The following STK33 variants were observed in gnomAD, a reference collection of about 807,000 sequenced individuals.
STK33 encodes the protein serine/threonine kinase 33, also known as serine/threonine-protein kinase 33.
A neutral mutation model predicts 58.0 loss-of-function variants in STK33; 52 were observed. That is an observed-to-expected ratio of 0.90 (90% CI 0.72 to 1.13). The LOEUF is 1.13. STK33 is among the 50% of genes most tolerant of loss of function. STK33 has a pLI of 0.00. For missense variants in STK33, 630 were observed against 604.2 expected (o/e 1.04, Z -0.45); for synonymous variants, 215 against 200.1 (o/e 1.07, Z -0.63).
intron 14 of STK33, among the ~76,000 whole-genome samples, chr11:8,419,184 A>G (rs1235876815): frequency 6.6e-6 from 1 of 152,156 alleles, no homozygotes; most frequent in Non-Finnish European, 1.5e-5. Flanking sequence ...GGTGTTGCCT[A>G]GATTGTCTTC....
chr11:8,524,249 C>T (rs1953830848), intron 1 of STK33, among the ~76,000 whole-genome samples: 1 of 152,086 alleles, frequency 6.6e-6, no homozygotes, highest in Non-Finnish European at 1.5e-5. Context: ...CTGACCTTCC[C>T]TCCACTATTG....
chr11:8,490,936 G>T (rs1348889192), intron 1 of STK33, among the ~76,000 whole-genome samples: 2 of 152,068 alleles, frequency 1.3e-5, no homozygotes, highest in Admixed American at 1.3e-4. Context: ...CCATCTGTAG[G>T]TCACCAACAT....
At position 8,454,749 on chromosome 11, in the gene STK33, T is replaced by C. The variant is rs907202175; in HGVS notation, c.781A>G (p.Ile261Val). ...ACCACCATTGCTAATCTTACCTTTA[T>C]GTTTAAGTTTATTTCATTGTTATCA... ...IDDNNEINLN[I>V]KVTDFGLAVK... The change falls in exon 10 of 16, where the codon ATA becomes GTA. Residue 261 changes from isoleucine to valine, a missense_variant. Ile to Val is a conservative substitution (Grantham distance 29). Coordinates refer to ENST00000687296, the MANE Select transcript of STK33 (RefSeq NM_001352389.2). 3.8e-6 allele frequency: 6 copies of C among 1,571,326 alleles called. No individual in the cohort carries two copies. The highest frequency in any genetic ancestry group is 2.7e-5 in the African/African-American group (2 of 73,086).
chr11:8,521,787 TCAAA>T (rs1164945167), intron 1 of STK33, among the ~76,000 whole-genome samples: 1 of 151,054 alleles, frequency 6.6e-6, no homozygotes, highest in Non-Finnish European at 1.5e-5. Context: ...AGAAAAAAAA[TCAAA>T]CAACCCCATC....
intron 11 of STK33, among the ~76,000 whole-genome samples, chr11:8,450,049 T>C (rs1946079513): frequency 4.6e-5 from 7 of 152,194 alleles, no homozygotes; most frequent in Admixed American, 4.6e-4. Context: ...AATCCATTAC[T>C]GCGTATATAT....
chr11:8,448,729 A>T (rs1298281486), intron 11 of STK33, among the ~76,000 whole-genome samples: 1 of 152,174 alleles, frequency 6.6e-6, no homozygotes, highest in African/African-American at 2.4e-5. Flanking sequence ...ATGGGCAAGG[A>T]CTTCATGTCT....
intron 1 of STK33, among the ~76,000 whole-genome samples, chr11:8,510,364 T>C (rs1301651098): frequency 2.0e-5 from 3 of 152,212 alleles, no homozygotes; most frequent in African/African-American, 7.2e-5. Context: ...TTTTTTCTTG[T>C]TGACTTGCTT....
intron 14 of STK33, among the ~76,000 whole-genome samples, chr11:8,423,063 A>G (rs987522591): frequency 2.7e-5 from 4 of 150,846 alleles, no homozygotes; most frequent in South Asian, 4.2e-4. Flanking sequence ...GCTTGTCTCA[A>G]ACTCCTGGAC....
At chr11:8,472,686 C>G (rs1360754990) in intron 6 of STK33, among the ~76,000 whole-genome samples, 1 of 151,868 alleles carries the variant, frequency 6.6e-6, no homozygotes, top group African/African-American at 2.4e-5. Flanking sequence ...TTTTATTGTT[C>G]TAACATTTAA....
chr11:8,356,486 G>A, the STK33 span, among the ~76,000 whole-genome samples: 7 of 152,010 alleles, frequency 4.6e-5, no homozygotes, highest in East Asian at 9.6e-4. Flanking sequence ...TGAGGTTTTC[G>A]TGGGAGAGGT....
At chr11:8,490,595 A>T (rs550229211) in intron 1 of STK33, among the ~76,000 whole-genome samples, 1 of 152,188 alleles carries the variant, frequency 6.6e-6, no homozygotes, top group African/African-American at 2.4e-5. Flanking sequence ...TTGAGCTCTG[A>T]GAACGGACAG....
downstream of STK33, among the ~76,000 whole-genome samples, chr11:8,391,658 C>T (rs146995372): frequency 2.1e-3 from 313 of 152,236 alleles, no homozygotes; most frequent in African/African-American, 7.2e-3. Context: ...AGCTATTCAA[C>T]CAGTTTGACT....
the STK33 span, among the ~76,000 whole-genome samples, chr11:8,378,379 A>G: frequency 9.2e-5 from 14 of 152,286 alleles, no homozygotes; most frequent in South Asian, 2.1e-4. Flanking sequence ...TTAGCTGGGC[A>G]TGGTGGTGCA....
At chr11:8,580,708 C>A (rs536911455) in intron 1 of STK33, 6 of 152,132 alleles carry the variant, frequency 3.9e-5, no homozygotes, top group Non-Finnish European at 8.8e-5. Context: ...GCATTGCTTG[C>A]CTATATCAAA....
chr11:8,363,745 G>A, the STK33 span, among the ~76,000 whole-genome samples: 18 of 152,282 alleles, frequency 1.2e-4, 1 homozygote, highest in South Asian at 3.7e-3. Flanking sequence ...ACCTTTAGAA[G>A]TTTCTTTGTC....
At chr11:8,409,363 C>A (rs897750312) in intron 15 of STK33, among the ~76,000 whole-genome samples, 9 of 152,204 alleles carry the variant, frequency 5.9e-5, no homozygotes, top group Non-Finnish European at 1.3e-4. Context: ...AGAGAGCAAG[C>A]TAAATCATGC....
chr11:8,544,891 T>A (rs1370064110), intron 1 of STK33, among the ~76,000 whole-genome samples: 1 of 152,186 alleles, frequency 6.6e-6, no homozygotes, highest in Non-Finnish European at 1.5e-5. Context: ...AATCACTCCC[T>A]CTTATATTTA....
chr11:8,376,196 C>G, the STK33 span, among the ~76,000 whole-genome samples: 55 of 152,336 alleles, frequency 3.6e-4, no homozygotes, highest in East Asian at 0.011. Flanking sequence ...AAACAGGGAT[C>G]TCGGTTGATC....
chr11:8,439,869 T>TTATATATATATATATA (rs551629890), intron 12 of STK33, among the ~76,000 whole-genome samples: 1,802 of 107,150 alleles, frequency 0.017, 93 homozygotes, highest in East Asian at 0.057. Context: ...TATATTATAA[T>TTATATATATATATATA]TATATATATA....
Sources: allele counts gnomAD v4.1 joint callset (sites outside exome capture counted in the v4.1 genomes callset), GRCh38; gene constraint gnomAD v4.1.1; transcripts MANE v1.5; gene names NCBI Gene and HGNC (gene_info 2026-07-23, HGNC 2026-07-21).